Variants in KLHL13 observed in about 807,000 individuals in gnomAD.
The protein encoded by KLHL13 is kelch like family member 13.
A neutral mutation model predicts 37.1 loss-of-function variants in KLHL13; 10 were observed. The ratio of observed to expected loss-of-function variants is 0.27; its 90% CI spans 0.17 to 0.46. The LOEUF (loss-of-function observed/expected upper bound fraction) is 0.46. Among genes scored for constraint, KLHL13 ranks in the 20% least tolerant of loss-of-function variants. KLHL13 has a pLI of 1.00. For synonymous variants in KLHL13, 163 were observed against 181.2 expected, an observed-to-expected ratio of 0.90 and a Z score of 0.81; for missense variants, 360 against 509.3, an observed-to-expected ratio of 0.71 and a Z score of 2.82.
chrX:118,010,690 T>G (rs1319970765), intron 1 of KLHL13, among the ~76,000 whole-genome samples: 2 of 99,530 alleles, frequency 2.0e-5, no homozygotes, highest in Non-Finnish European at 4.1e-5. Context: ...TGTATACATA[T>G]GTAACTAACC....
At chrX:118,097,246 T>C (rs76981149) in intron 1 of KLHL13, among the ~76,000 whole-genome samples, 2,567 of 111,167 alleles carry the variant, frequency 0.023, 88 homozygotes, top group African/African-American at 0.079. Context: ...GGATACAAAA[T>C]CAATGTGCAA....
intron 2 of KLHL13, among the ~76,000 whole-genome samples, chrX:117,922,124 G>C (rs964565085): frequency 3.7e-4 from 41 of 111,231 alleles, no homozygotes; most frequent in Non-Finnish European, 6.2e-4. Context: ...CTTATAAAAA[G>C]AGATGCCAAT....
At position 118,069,001 on chromosome X, in the gene KLHL13, C is replaced by A. The variant is rs147896605; in HGVS notation, c.-56+47507G>T. 3.8e-3 allele frequency among the ~76,000 whole-genome samples: 413 copies of A among 109,987 alleles called. 4 individuals are homozygous for A. Among genetic ancestry groups the A allele is most frequent in the African/African-American group, 0.011 (344 of 30,159 alleles). On this transcript the variant is annotated intron_variant, in intron 1 of 6. Coordinates refer to the KLHL13 transcript ENST00000371882. ...ACAGCTCCATCTTCTCCCAGCCATG[C>A]CTGCACCCTGCCCCTAGGGACCTGA...
At chrX:117,900,453 T>C in intron 6 of KLHL13, among the ~76,000 whole-genome samples, 1 of 111,741 alleles carries the variant, frequency 8.9e-6, no homozygotes, top group East Asian at 2.8e-4. Context: ...TCAGGTGTCA[T>C]TTTTCTCAGA....
intron 1 of KLHL13, among the ~76,000 whole-genome samples, chrX:117,980,997 C>G (rs753704156): frequency 1.8e-5 from 2 of 111,796 alleles, no homozygotes; most frequent in Non-Finnish European, 3.8e-5. Flanking sequence ...ATTTCCAGAT[C>G]CTTTTCGTTT....
chrX:117,907,625 T>G (rs966415400), intron 5 of KLHL13, among the ~76,000 whole-genome samples: 4 of 111,713 alleles, frequency 3.6e-5, no homozygotes, highest in Non-Finnish European at 7.5e-5. Context: ...GTGTGTAGGT[T>G]GACTGAGGAG....
upstream of KLHL13, among the ~76,000 whole-genome samples, chrX:117,978,568 T>TAA (rs1221534976): frequency 3.6e-5 from 4 of 110,468 alleles, no homozygotes; most frequent in East Asian, 1.1e-3. Flanking sequence ...ATGAAAGAGG[T>TAA]TATGGGGCTA....
chrX:117,926,189 A>C (rs1189180842), intron 2 of KLHL13, among the ~76,000 whole-genome samples: 2 of 112,129 alleles, frequency 1.8e-5, no homozygotes, highest in African/African-American at 6.5e-5. Flanking sequence ...AAAACATTGA[A>C]GGAAAGGGAT....
intron 1 of KLHL13, among the ~76,000 whole-genome samples, chrX:117,985,841 T>C (rs1264946394): frequency 1.8e-5 from 2 of 111,042 alleles, no homozygotes; most frequent in Non-Finnish European, 3.8e-5. Context: ...CTCCCAGGAA[T>C]CTAGCCCCTA....
intron 1 of KLHL13, among the ~76,000 whole-genome samples, chrX:117,971,698 G>C (rs2053526338): frequency 9.0e-6 from 1 of 111,007 alleles, no homozygotes; most frequent in South Asian, 3.8e-4. Flanking sequence ...ATCTGAAAGG[G>C]TTTCAAAGAA....
chrX:118,110,371 C>CTTTTTTTTTTTTTTTTTTTT (rs1479012364), intron 1 of KLHL13, among the ~76,000 whole-genome samples: 1 of 98,314 alleles, frequency 1.0e-5, no homozygotes, highest in African/African-American at 3.9e-5. Flanking sequence ...TTTTCTATTT[C>CTTTTTTTTTTTTTTTTTTTT]TTTTTCTTTT....
chrX:118,040,198 G>T (rs1315790778), intron 1 of KLHL13, among the ~76,000 whole-genome samples: 1 of 111,463 alleles, frequency 9.0e-6, no homozygotes, highest in African/African-American at 3.3e-5. Context: ...TCAATGCCCA[G>T]ACACCAACGA....
At chrX:117,902,319 C>A (rs1412196858) in intron 5 of KLHL13, among the ~76,000 whole-genome samples, 2 of 111,539 alleles carry the variant, frequency 1.8e-5, no homozygotes, top group East Asian at 5.7e-4. Context: ...AAAAACTCCT[C>A]AATTCTGGGT....
In KLHL13 at chrX:118,002,919, T is replaced by C. The variant is rs957050059; in HGVS notation, c.-55-57344A>G. Among the ~76,000 whole-genome samples the C allele has an allele frequency of 4.4e-5, 5 of 112,717 alleles. 1 individual carries two copies. The highest frequency in any genetic ancestry group is 1.9e-4 in the Admixed American group (2 of 10,660). On this transcript the variant is annotated intron_variant, in intron 1 of 6. Coordinates refer to the KLHL13 transcript ENST00000371882. ...TCTTCCTCATTGTTTGGTACCTATGTCTGTTTGGTGTTCCAAGCATGTGCT... is the reference window on the plus strand; with the variant it reads ...TCTTCCTCATTGTTTGGTACCTATGCCTGTTTGGTGTTCCAAGCATGTGCT...
At chrX:118,108,298 A>C (rs1216380515) in intron 1 of KLHL13, among the ~76,000 whole-genome samples, 2 of 112,130 alleles carry the variant, frequency 1.8e-5, no homozygotes, top group African/African-American at 3.2e-5. Context: ...GCAGTAACAC[A>C]ACAATATAAC....
chrX:117,930,955 GTTTAT>G (rs1442722854), intron 2 of KLHL13, among the ~76,000 whole-genome samples: 2 of 111,787 alleles, frequency 1.8e-5, no homozygotes, highest in Non-Finnish European at 3.8e-5. Context: ...TTTTAAAGTT[GTTTAT>G]TTTATGATCA....
At chrX:118,030,855 G>C (rs960387857) in intron 1 of KLHL13, among the ~76,000 whole-genome samples, 1 of 111,598 alleles carries the variant, frequency 9.0e-6, no homozygotes, top group Non-Finnish European at 1.9e-5. Flanking sequence ...ATAAATTTCT[G>C]CTCATTGTAA....
At chrX:117,962,251 A>T (rs1407272699) in intron 1 of KLHL13, among the ~76,000 whole-genome samples, 1 of 108,404 alleles carries the variant, frequency 9.2e-6, no homozygotes, top group Non-Finnish European at 1.9e-5. Flanking sequence ...GTGACATTTT[A>T]GGCCATTCGT....
At chrX:118,105,804 C>T (rs1057325713) in intron 1 of KLHL13, among the ~76,000 whole-genome samples, 1 of 109,897 alleles carries the variant, frequency 9.1e-6, no homozygotes, top group Non-Finnish European at 1.9e-5. Context: ...TTGATAAATA[C>T]CAAATTGCTA....
Sources: allele counts gnomAD v4.1 joint callset (sites outside exome capture counted in the v4.1 genomes callset), GRCh38; gene constraint gnomAD v4.1.1; transcripts MANE v1.5; gene names NCBI Gene and HGNC (gene_info 2026-07-23, HGNC 2026-07-21).